STAG1: variants seen among roughly 807,000 people sequenced by gnomAD.
The protein encoded by STAG1 is STAG1 cohesin complex component.
In STAG1, 26 loss-of-function variants were observed where a neutral mutation model predicts 170.9. The ratio of observed to expected loss-of-function variants is 0.15; its 90% CI spans 0.11 to 0.21. The LOEUF (loss-of-function observed/expected upper bound fraction) is 0.21, where lower values mean the gene tolerates loss of function less well. Ranked by LOEUF, STAG1 falls within the 10% of genes least tolerant of loss-of-function variation. The pLI is 1.00. For synonymous variants in STAG1, 514 were observed against 497.7 expected (o/e 1.03, Z -0.44); for missense variants, 964 against 1,509.5 (o/e 0.64, Z 5.99).
intron 4 of STAG1, among the ~76,000 whole-genome samples, chr3:136,579,958 ATTTT>A (rs749325884): frequency 8.1e-5 from 6 of 73,642 alleles, no homozygotes; most frequent in Middle Eastern, 8.6e-3. Context: ...TACCATCTGA[ATTTT>A]TTTTTTTTTT....
intron 30 of STAG1, among the ~76,000 whole-genome samples, chr3:136,342,788 C>T (rs113356953): frequency 5.3e-5 from 8 of 152,316 alleles, no homozygotes; most frequent in African/African-American, 1.4e-4. Context: ...AGAAGGCAGA[C>T]CATGGCCACA....
At chr3:136,575,533 C>CT (rs1294047897) in intron 4 of STAG1, among the ~76,000 whole-genome samples, 1 of 152,178 alleles carries the variant, frequency 6.6e-6, no homozygotes, top group Non-Finnish European at 1.5e-5. Context: ...TGGATTGTCT[C>CT]TATCTGGAGG....
intron 4 of STAG1, among the ~76,000 whole-genome samples, chr3:136,571,762 T>C (rs1328434661): frequency 1.3e-5 from 2 of 151,390 alleles, no homozygotes; most frequent in African/African-American, 4.9e-5. Flanking sequence ...GTGACCACAG[T>C]CCCAGCCACT....
At chr3:136,438,116 T>C (rs758488846) in intron 15 of STAG1, among the ~76,000 whole-genome samples, 37 of 152,236 alleles carry the variant, frequency 2.4e-4, no homozygotes, top group Non-Finnish European at 4.4e-4. Context: ...ATGTTCCAGC[T>C]ATTGCATCTC....
intron 9 of STAG1, among the ~76,000 whole-genome samples, chr3:136,479,094 T>A (rs2089848133): frequency 6.7e-6 from 1 of 149,874 alleles, no homozygotes; most frequent in Non-Finnish European, 1.5e-5. Flanking sequence ...TTTTTTATTA[T>A]ACTTTAAGTT....
chr3:136,609,414 C>CATAT (rs67290906), intron 3 of STAG1: 1 of 139,520 alleles, frequency 7.2e-6, no homozygotes, highest in Non-Finnish European at 1.6e-5. Context: ...TTTATAGATA[C>CATAT]ATATATATAT....
chr3:136,562,024 T>TA (rs1374116874), intron 5 of STAG1, among the ~76,000 whole-genome samples: 1 of 152,180 alleles, frequency 6.6e-6, no homozygotes, highest in African/African-American at 2.4e-5. Context: ...CTTTACTCTT[T>TA]AATATTTCAG....
chr3:136,628,046 G>A (rs1187459526), intron 2 of STAG1, among the ~76,000 whole-genome samples: 1 of 152,018 alleles, frequency 6.6e-6, no homozygotes, highest in Non-Finnish European at 1.5e-5. Flanking sequence ...ATCTCATCTC[G>A]AACTGTAATC....
At chr3:136,458,429 T>C (rs1261767015) in intron 13 of STAG1, among the ~76,000 whole-genome samples, 1 of 152,208 alleles carries the variant, frequency 6.6e-6, no homozygotes, top group African/African-American at 2.4e-5. Context: ...AGTGCTGTGA[T>C]TACAGGTGTA....
chr3:136,574,781 T>A (rs534249741), intron 4 of STAG1, among the ~76,000 whole-genome samples: 4 of 152,130 alleles, frequency 2.6e-5, no homozygotes, highest in Non-Finnish European at 5.9e-5. Context: ...AACAAAAAAA[T>A]TAATGAGTGT....
rs1248174070 is a variant in STAG1, at chr3:136,519,768, G to T, written c.676+1445C>A. On this transcript the variant is annotated intron_variant, in intron 7 of 33. Transcript: ENST00000383202. ...ATTTTTACAGTAACTTTTTAAAAAAGATAAACAGGGTAAAAAATCTTTTTC... is the reference window on the plus strand; with the variant it reads ...ATTTTTACAGTAACTTTTTAAAAAATATAAACAGGGTAAAAAATCTTTTTC... Among the ~76,000 whole-genome samples, 5 of 151,966 alleles carry T rather than the reference G, an allele frequency of 3.3e-5. No homozygotes were observed. The East Asian group carries it at 5.8e-4, about 18-fold the overall frequency.
chr3:136,674,616 A>T (rs1259856580), intron 1 of STAG1, among the ~76,000 whole-genome samples: 1 of 152,226 alleles, frequency 6.6e-6, no homozygotes, highest in South Asian at 2.1e-4. Flanking sequence ...CTGAAAATGT[A>T]CACTTACAAT....
intron 22 of STAG1, among the ~76,000 whole-genome samples, chr3:136,390,542 G>A (rs745393820): frequency 1.3e-5 from 2 of 152,132 alleles, no homozygotes; most frequent in Non-Finnish European, 2.9e-5. Context: ...GTCATGGAAC[G>A]ACCGAAAGGA....
In STAG1 at chr3:136,336,960, AAGAG is replaced by A. The variant is rs3994936; in HGVS notation, c.*1290_*1293del. 152,177 of 152,350 alleles carry A rather than the reference AAGAG, an allele frequency of 1. 76,002 individuals are homozygous for A. The highest frequency in any genetic ancestry group is 1 in the Middle Eastern group (294 of 294). The allele number at this position is 152,350 out of a possible 1,614,324, so 9.4% of individuals were successfully genotyped here. A position where few individuals can be genotyped will look rare whatever the true frequency, so the allele number is the denominator to read the frequency against. ...AGGCTTACTTTAGAAATCAGAAAGGAAGAGAGAGACTAAGTGGGGTTTTTAAAAC... is the reference window on the plus strand; with the variant it reads ...AGGCTTACTTTAGAAATCAGAAAGGAAGAGACTAAGTGGGGTTTTTAAAAC... On this transcript the variant is annotated 3_prime_UTR_variant, in exon 34 of 34. Coordinates refer to ENST00000383202, the MANE Select transcript of STAG1 (RefSeq NM_005862.3).
chr3:136,437,632 A>G (rs1314088711), intron 15 of STAG1, among the ~76,000 whole-genome samples: 2 of 152,300 alleles, frequency 1.3e-5, no homozygotes, highest in African/African-American at 4.8e-5. Flanking sequence ...AAAATCACCA[A>G]TGACCTAAAT....
At chr3:136,594,833 C>A (rs533939977) in intron 4 of STAG1, among the ~76,000 whole-genome samples, 2 of 152,236 alleles carry the variant, frequency 1.3e-5, no homozygotes, top group South Asian at 4.2e-4. Context: ...TGCAATGGCA[C>A]AATCACAGCT....
At chr3:136,527,233 T>C (rs534427615) in intron 6 of STAG1, among the ~76,000 whole-genome samples, 2 of 152,324 alleles carry the variant, frequency 1.3e-5, no homozygotes, top group African/African-American at 4.8e-5. Context: ...GGTACACCAA[T>C]CAGATGTAGA....
intron 1 of STAG1, among the ~76,000 whole-genome samples, chr3:136,748,893 C>G (rs980697231): frequency 6.6e-6 from 1 of 151,826 alleles, no homozygotes. Context: ...AACTAAGGTA[C>G]CAGGAAACGG....
At chr3:136,552,215 T>C (rs1170786939) in intron 5 of STAG1, among the ~76,000 whole-genome samples, 1 of 152,154 alleles carries the variant, frequency 6.6e-6, no homozygotes, top group Non-Finnish European at 1.5e-5. Flanking sequence ...ATTACAACAA[T>C]ATACAAAGTA....
Sources: gnomAD v4.1 joint callset for allele counts (sites outside exome capture counted in the v4.1 genomes callset) on GRCh38, gnomAD v4.1.1 for gene constraint, MANE v1.5 for transcripts, NCBI Gene and HGNC (gene_info 2026-07-23, HGNC 2026-07-21) for gene names.